The following GPR149 variants were observed in gnomAD, a reference collection of about 807,000 sequenced individuals.
GPR149 encodes probable G protein-coupled receptor 149.
A neutral mutation model predicts 50.2 loss-of-function variants in GPR149; 50 were observed. That is an observed-to-expected ratio of 1.00 (90% CI 0.79 to 1.26). The LOEUF (loss-of-function observed/expected upper bound fraction) is 1.26. Among genes scored for constraint, GPR149 ranks in the 50% most tolerant of loss-of-function variants. The pLI is 0.00. For synonymous variants in GPR149, 405 were observed against 358.2 expected (o/e 1.13, Z -1.48); for missense variants, 983 against 895.4 (o/e 1.10, Z -1.25).
chr3:154,364,928 T>C (rs1419294831), intron 3 of GPR149, among the ~76,000 whole-genome samples: 1 of 152,190 alleles, frequency 6.6e-6, no homozygotes, highest in East Asian at 1.9e-4. Context: ...AGAGACTCTG[T>C]GGTGGCCCCA....
intron 3 of GPR149, among the ~76,000 whole-genome samples, chr3:154,365,600 T>C (rs1039377646): frequency 6.6e-6 from 1 of 152,170 alleles, no homozygotes; most frequent in African/African-American, 2.4e-5. Context: ...CACTTTACTA[T>C]AAGCGGTTAA....
intron 3 of GPR149, chr3:154,354,804 G>T: frequency 1.6e-6 from 1 of 643,148 alleles, no homozygotes; most frequent in Non-Finnish European, 2.3e-6. Flanking sequence ...AGGCATTACT[G>T]GCCACCACCT....
At chr3:154,367,577 C>T (rs1231769050) in intron 3 of GPR149, among the ~76,000 whole-genome samples, 2 of 152,226 alleles carry the variant, frequency 1.3e-5, no homozygotes, top group Non-Finnish European at 2.9e-5. Context: ...CATCTTCCCA[C>T]TGCACGTATT....
At chr3:154,350,438 C>T (rs1276104081) in intron 3 of GPR149, among the ~76,000 whole-genome samples, 1 of 151,980 alleles carries the variant, frequency 6.6e-6, no homozygotes, top group Non-Finnish European at 1.5e-5. Context: ...AAATGCAGTA[C>T]CATTTACAAT....
At chr3:154,372,689 G>A (rs1714692209) in intron 3 of GPR149, among the ~76,000 whole-genome samples, 1 of 152,174 alleles carries the variant, frequency 6.6e-6, no homozygotes, top group South Asian at 2.1e-4. Flanking sequence ...AGAGAGAATG[G>A]TGATGAGGAT....
At chr3:154,351,162 G>A (rs1714067901) in intron 3 of GPR149, among the ~76,000 whole-genome samples, 1 of 151,682 alleles carries the variant, frequency 6.6e-6, no homozygotes, top group South Asian at 2.1e-4. Flanking sequence ...TAGAGGGATA[G>A]AGACACAGAA....
chr3:154,397,078 G>A (rs1465384967), intron 3 of GPR149, among the ~76,000 whole-genome samples: 1 of 152,056 alleles, frequency 6.6e-6, no homozygotes, highest in Non-Finnish European at 1.5e-5. Flanking sequence ...AGAGAAGTAA[G>A]TGTTGCTGAA....
At chr3:154,369,026 G>T (rs1160668483) in intron 3 of GPR149, among the ~76,000 whole-genome samples, 1 of 152,242 alleles carries the variant, frequency 6.6e-6, no homozygotes, top group East Asian at 1.9e-4. Flanking sequence ...GGTAAGCATG[G>T]TTAAATCCGG....
intron 3 of GPR149, among the ~76,000 whole-genome samples, chr3:154,403,840 A>G (rs1040569446): frequency 6.6e-6 from 1 of 152,070 alleles, no homozygotes; most frequent in Non-Finnish European, 1.5e-5. Flanking sequence ...GGCACTATCC[A>G]ATAGAACTGC....
chr3:154,398,058 G>T (rs1715335295), intron 3 of GPR149, among the ~76,000 whole-genome samples: 1 of 151,950 alleles, frequency 6.6e-6, no homozygotes, highest in Admixed American at 6.6e-5. Context: ...ATCAGTAAAG[G>T]TCATATAAGC....
At chr3:154,416,166 A>G (rs900913207) in intron 3 of GPR149, among the ~76,000 whole-genome samples, 1 of 151,860 alleles carries the variant, frequency 6.6e-6, no homozygotes, top group Non-Finnish European at 1.5e-5. Flanking sequence ...CGTATTGAGT[A>G]TTTTCTTCCA....
At chr3:154,344,541 T>C (rs1713878414) in intron 3 of GPR149, among the ~76,000 whole-genome samples, 1 of 152,092 alleles carries the variant, frequency 6.6e-6, no homozygotes, top group Non-Finnish European at 1.5e-5. Flanking sequence ...GGAAATAGGG[T>C]TTTTGCAGGT....
rs1713655470 is a variant in GPR149, at chr3:154,336,256, G to A, written c.*1443C>T. ...ATTATTTTGAAAATGACTCATGCTTGTGGCAACAAAAGATGAAACATTCTG... is the reference window on the plus strand; with the variant it reads ...ATTATTTTGAAAATGACTCATGCTTATGGCAACAAAAGATGAAACATTCTG... On this transcript the variant is annotated 3_prime_UTR_variant, in exon 4 of 4. Coordinates refer to ENST00000389740, the MANE Select transcript of GPR149 (RefSeq NM_001038705.3). 6.6e-6 allele frequency: 1 copy of A among 152,048 alleles called. No individual in the cohort carries two copies. Among genetic ancestry groups the A allele is most frequent in the Non-Finnish European group, 1.5e-5 (1 of 67,924 alleles). 9.4% of individuals were successfully genotyped at this position (152,048 alleles called of 1,614,324 possible). A position where few individuals can be genotyped will look rare whatever the true frequency, so the allele number is the denominator to read the frequency against.
rs117084785 is a variant in GPR149, at chr3:154,389,264, C to A, written c.1623+31775G>T. On this transcript the variant is annotated intron_variant, in intron 3 of 3. Transcript: ENST00000389740. ...AAACTAATTTACTTTGTGAGAAATC[C>A]AGAAACTAGTTACAAGTCTCCTGCA... Among the ~76,000 whole-genome samples the A allele has an allele frequency of 2.8e-3, 422 of 152,032 alleles. 15 individuals are homozygous for A. The East Asian group carries it at 0.067, about 24-fold the overall frequency.
intron 3 of GPR149, among the ~76,000 whole-genome samples, chr3:154,418,561 A>C: frequency 1.0e-5 from 1 of 96,282 alleles, no homozygotes; most frequent in East Asian, 2.6e-4. Context: ...AAACTATCTC[A>C]AGAACAAAAA....
Position 154,340,142 on chromosome 3 carries a change from G to A in GPR149, c.1624-1871C>T, listed in dbSNP as rs72998604. Among the ~76,000 whole-genome samples, 407 of 152,264 alleles carry A rather than the reference G, an allele frequency of 2.7e-3. 2 individuals carry two copies. Among genetic ancestry groups the A allele is most frequent in the African/African-American group, 9.4e-3 (392 of 41,566 alleles). ...ACTAGAAAAAAATACAGTCTGGGCT[G>A]TGTGAGACATATGATCATTCTTTCC... On this transcript the variant is annotated intron_variant, in intron 3 of 3. Transcript: ENST00000389740.
At chr3:154,401,566 C>T (rs1711548688) in intron 3 of GPR149, among the ~76,000 whole-genome samples, 1 of 151,978 alleles carries the variant, frequency 6.6e-6, no homozygotes, top group African/African-American at 2.4e-5. Flanking sequence ...AGAAAAACAA[C>T]TATTAATTCC....
chr3:154,394,138 GCATCA>G (rs1559983736), intron 3 of GPR149, among the ~76,000 whole-genome samples: 1 of 151,970 alleles, frequency 6.6e-6, no homozygotes, highest in Admixed American at 6.6e-5. Context: ...AAAACTGGAG[GCATCA>G]CATTTCCTGA....
At chr3:154,364,450 T>C (rs559177167) in intron 3 of GPR149, among the ~76,000 whole-genome samples, 2 of 152,282 alleles carry the variant, frequency 1.3e-5, no homozygotes, top group South Asian at 4.1e-4. Context: ...TATCTAAATA[T>C]CATCTAAATC....
Sources: allele counts gnomAD v4.1 joint callset (sites outside exome capture counted in the v4.1 genomes callset), GRCh38; gene constraint gnomAD v4.1.1; transcripts MANE v1.5; gene names NCBI Gene and HGNC (gene_info 2026-07-23, HGNC 2026-07-21).